MYO9A: variants seen among roughly 807,000 people sequenced by gnomAD.
MYO9A encodes the protein myosin IXA.
In MYO9A, 103 loss-of-function variants were observed where a neutral mutation model predicts 293.3. The observed-to-expected ratio is 0.35, with a 90% CI of 0.30 to 0.41. The LOEUF (loss-of-function observed/expected upper bound fraction) is 0.41. MYO9A is among the 10% of genes least tolerant of loss of function. The probability of loss-of-function intolerance (pLI) is 1.00; values close to 1 mark genes in which losing one functional copy is unlikely to be tolerated. For synonymous variants in MYO9A, 1,001 were observed against 1,035.7 expected (o/e 0.97, Z 0.64); for missense variants, 2,685 against 3,033.0 (o/e 0.89, Z 2.69).
At chr15:72,010,242 G>T in intron 7 of MYO9A, 108 bp downstream of exon 7, 1 of 787,882 alleles carries the variant, frequency 1.3e-6, no homozygotes, top group Non-Finnish European at 2.1e-6. Flanking sequence ...GGTACTAGAT[G>T]AAGAATACCA....
At chr15:71,877,315 T>G (rs1482343774) in intron 31 of MYO9A, among the ~76,000 whole-genome samples, 1 of 152,222 alleles carries the variant, frequency 6.6e-6, no homozygotes, top group Non-Finnish European at 1.5e-5. Context: ...AGGTTATTAT[T>G]ATTATACAGA....
intron 2 of MYO9A, among the ~76,000 whole-genome samples, chr15:72,043,791 T>C (rs2149646382): frequency 6.6e-6 from 1 of 152,306 alleles, no homozygotes; most frequent in South Asian, 2.1e-4. Flanking sequence ...GGTATATACA[T>C]GTCAAAGTTT....
intron 6 of MYO9A, among the ~76,000 whole-genome samples, chr15:72,016,790 C>T (rs994195535): frequency 7.2e-5 from 11 of 152,036 alleles, no homozygotes; most frequent in South Asian, 2.1e-4. Flanking sequence ...ATTATGGCTA[C>T]AAAGTTCTTC....
chr15:72,052,574 A>G (rs2078598472), intron 1 of MYO9A, among the ~76,000 whole-genome samples: 2 of 152,194 alleles, frequency 1.3e-5, no homozygotes, highest in Admixed American at 1.3e-4. Context: ...AAGGCCCTTC[A>G]TGGAGTCCAG....
chr15:71,975,364 C>T lies in MYO9A; in HGVS notation c.1844+2807G>A, dbSNP rs113302954. On this transcript the variant is annotated intron_variant, in intron 12 of 41. Transcript: ENST00000356056. Reference sequence around the variant, plus strand: ...GTTCCTGACTTATTAACTACCACAGCCCTTTGGCCTATGACGTGATTTTAT... The same window carrying T: ...GTTCCTGACTTATTAACTACCACAGTCCTTTGGCCTATGACGTGATTTTAT... Among the ~76,000 whole-genome samples the T allele has an allele frequency of 5.8e-3, 790 of 135,554 alleles. 9 individuals carry two copies. Among genetic ancestry groups the T allele is most frequent in the Non-Finnish European group, 1.0e-2 (640 of 64,218 alleles). The allele number at this position is 135,554 out of a possible 152,430, so 88.9% of individuals were successfully genotyped here. A position where few individuals can be genotyped will look rare whatever the true frequency, so the allele number is the denominator to read the frequency against.
chr15:72,044,631 T>G (rs998681337), intron 2 of MYO9A, among the ~76,000 whole-genome samples: 1 of 152,256 alleles, frequency 6.6e-6, no homozygotes, highest in East Asian at 1.9e-4. Context: ...TGTGGAGTAC[T>G]TGTCCTTCTG....
chr15:72,099,850 C>T (rs557947049), intron 1 of MYO9A, among the ~76,000 whole-genome samples: 1 of 128,288 alleles, frequency 7.8e-6, no homozygotes, highest in East Asian at 2.4e-4. Context: ...TGCAGTGAGC[C>T]GAGATCGAGC....
At chr15:72,077,768 T>C (rs1201949760) in intron 1 of MYO9A, among the ~76,000 whole-genome samples, 3 of 138,206 alleles carry the variant, frequency 2.2e-5, no homozygotes, top group East Asian at 2.1e-4. Context: ...TATATATATA[T>C]ATATATATAT....
intron 1 of MYO9A, among the ~76,000 whole-genome samples, chr15:72,070,933 C>A (rs2079171404): frequency 6.6e-6 from 1 of 152,128 alleles, no homozygotes; most frequent in Non-Finnish European, 1.5e-5. Context: ...AAATGTAAGA[C>A]CTCAAACTAT....
chr15:72,085,886 G>T (rs976512886), intron 1 of MYO9A, among the ~76,000 whole-genome samples: 2 of 152,122 alleles, frequency 1.3e-5, no homozygotes, highest in Admixed American at 1.3e-4. Context: ...TTCATTTCTG[G>T]AAGATTTTAG....
chr15:71,928,934 G>T (rs1047009333), intron 18 of MYO9A, among the ~76,000 whole-genome samples: 1 of 151,732 alleles, frequency 6.6e-6, no homozygotes, highest in East Asian at 1.9e-4. Context: ...AGCCAGATGT[G>T]GTAGCATGCA....
At chr15:71,952,257 G>T (rs768349776) in intron 14 of MYO9A, among the ~76,000 whole-genome samples, 10 of 152,214 alleles carry the variant, frequency 6.6e-5, no homozygotes, top group Middle Eastern at 6.8e-3. Context: ...TTAACATATA[G>T]TTGGCAACAC....
chr15:71,957,508 T>C (rs2059231753), intron 14 of MYO9A, among the ~76,000 whole-genome samples: 1 of 152,142 alleles, frequency 6.6e-6, no homozygotes, highest in Non-Finnish European at 1.5e-5. Flanking sequence ...CAAAAGTTTA[T>C]TTAAATCTAT....
chr15:72,091,817 C>G lies in MYO9A; in HGVS notation c.-72+25863G>C, dbSNP rs188542573. On this transcript the variant is annotated intron_variant, in intron 1 of 41. Transcript: ENST00000356056. ...CAAGCTCCGCCTCCCAGGTTCACAC[C>G]ATTCTCCCTGCCTCAGCCTCCCGAG... Among the ~76,000 whole-genome samples the G allele has an allele frequency of 3.3e-3, 506 of 151,824 alleles. 3 individuals carry two copies. Among genetic ancestry groups the G allele is most frequent in the Non-Finnish European group, 5.3e-3 (359 of 67,954 alleles).
intron 18 of MYO9A, among the ~76,000 whole-genome samples, chr15:71,927,085 C>G (rs1255024930): frequency 6.6e-6 from 1 of 152,062 alleles, no homozygotes; most frequent in Non-Finnish European, 1.5e-5. Flanking sequence ...TCGGGGAGGG[C>G]ACAAATCCAA....
At chr15:71,844,441 G>A (rs1360589130) in intron 39 of MYO9A, among the ~76,000 whole-genome samples, 1 of 152,190 alleles carries the variant, frequency 6.6e-6, no homozygotes, top group African/African-American at 2.4e-5. Flanking sequence ...TGTGAGACCA[G>A]TCCATTACAG....
At position 71,825,597 on chromosome 15, in the gene MYO9A, A is replaced by ACATT. The variant is rs2054448762; in HGVS notation, c.*979_*982dup. The ACATT allele has an allele frequency of 6.6e-6, 1 of 151,730 alleles. No homozygotes were observed. Among genetic ancestry groups the ACATT allele is most frequent in the South Asian group, 2.1e-4 (1 of 4,802 alleles). 9.4% of individuals were successfully genotyped at this position (151,730 alleles called of 1,614,324 possible). The stretch of plus-strand genomic sequence containing the variant: ...GTTTTTGGAAACTAACTAAACGGTC[A>ACATT]CATTATTTGTTTGTTTGTTTGAGTC... On this transcript the variant is annotated 3_prime_UTR_variant, in exon 42 of 42. Transcript: ENST00000356056.
At chr15:72,025,301 A>G (rs181086016) in intron 4 of MYO9A, among the ~76,000 whole-genome samples, 10 of 152,360 alleles carry the variant, frequency 6.6e-5, no homozygotes, top group Admixed American at 5.2e-4. Flanking sequence ...TCAAGAAGAC[A>G]TAACAATTTA....
chr15:72,099,390 G>A (rs1278270356), intron 1 of MYO9A, among the ~76,000 whole-genome samples: 3 of 136,912 alleles, frequency 2.2e-5, no homozygotes, highest in Admixed American at 8.2e-5. Context: ...GCAATGAGCC[G>A]AGATGCTGGG....
Sources: allele counts gnomAD v4.1 joint callset (sites outside exome capture counted in the v4.1 genomes callset), GRCh38; gene constraint gnomAD v4.1.1; transcripts MANE v1.5; gene names NCBI Gene and HGNC (gene_info 2026-07-23, HGNC 2026-07-21).